RIC8B: variants seen among roughly 807,000 people sequenced by gnomAD.
The protein encoded by RIC8B is RIC8 guanine nucleotide exchange factor B, also known as chaperone Ric-8B.
In RIC8B, 16 loss-of-function variants were observed where a neutral mutation model predicts 57.5. That is an observed-to-expected ratio of 0.28 (90% CI 0.19 to 0.42). RIC8B has a LOEUF of 0.42. RIC8B is among the 10% of genes least tolerant of loss of function. The pLI is 1.00. For synonymous variants in RIC8B, 216 were observed against 250.8 expected, an observed-to-expected ratio of 0.86 and a Z score of 1.31; for missense variants, 481 against 677.0, an observed-to-expected ratio of 0.71 and a Z score of 3.21.
At chr12:106,815,788 GGA>G (rs2045549105) in intron 3 of RIC8B, among the ~76,000 whole-genome samples, 1 of 152,142 alleles carries the variant, frequency 6.6e-6, no homozygotes, top group Non-Finnish European at 1.5e-5. Context: ...CCAGTCTCTG[GGA>G]GGTTTCTCTG....
chr12:106,822,105 GAA>G (rs1162744633), intron 3 of RIC8B, among the ~76,000 whole-genome samples: 1 of 117,832 alleles, frequency 8.5e-6, no homozygotes. Flanking sequence ...AAAAAAAGAA[GAA>G]AAAAAAAGAA....
At chr12:106,832,238 T>C (rs969542792) in intron 4 of RIC8B, among the ~76,000 whole-genome samples, 10 of 152,208 alleles carry the variant, frequency 6.6e-5, no homozygotes, top group Admixed American at 6.5e-4. Context: ...ATGGTACTTA[T>C]CACTAACTGA....
intron 3 of RIC8B, among the ~76,000 whole-genome samples, chr12:106,817,415 C>T (rs1411319068): frequency 5.9e-5 from 9 of 152,028 alleles, no homozygotes; most frequent in Non-Finnish European, 1.0e-4. Flanking sequence ...TTTGAAAAAC[C>T]GGGGGATAAA....
intron 2 of RIC8B, among the ~76,000 whole-genome samples, chr12:106,805,973 G>T (rs1157529633): frequency 6.6e-6 from 1 of 151,946 alleles, no homozygotes; most frequent in Non-Finnish European, 1.5e-5. Context: ...TTTTGAGATG[G>T]AGTTTTGCTC....
intron 2 of RIC8B, among the ~76,000 whole-genome samples, chr12:106,790,743 C>T (rs1392715939): frequency 6.6e-6 from 1 of 152,116 alleles, no homozygotes; most frequent in Admixed American, 6.5e-5. Flanking sequence ...AAAAGATTTC[C>T]AGCTCTTTCA....
rs1403873860 is a variant in RIC8B, at chr12:106,888,544, GC to G, written c.*2531del. On this transcript the variant is annotated 3_prime_UTR_variant, in exon 10 of 10. Transcript: ENST00000392837. ...CACAGCACACCTGGGCCCACACTGT[GC>G]CTCCTTAGGGCTCTGAAATGCTGGG... 1 of 152,716 alleles carries G rather than the reference GC, an allele frequency of 6.5e-6. No homozygotes were observed. The highest frequency in any genetic ancestry group is 1.9e-4 in the East Asian group (1 of 5,204). 9.5% of individuals were successfully genotyped at this position (152,716 alleles called of 1,614,324 possible).
intron 9 of RIC8B, chr12:106,874,530 C>T (rs970972117): frequency 1.4e-5 from 22 of 1,551,148 alleles, no homozygotes; most frequent in Non-Finnish European, 1.8e-5. Context: ...GCAACAGTGG[C>T]CCGTGCCAAA....
intron 9 of RIC8B, among the ~76,000 whole-genome samples, chr12:106,874,872 G>GTGAT (rs1950595942): frequency 6.6e-6 from 1 of 151,966 alleles, no homozygotes; most frequent in Non-Finnish European, 1.5e-5. Context: ...TGTAGATAAG[G>GTGAT]TGATTGGCAG....
At chr12:106,819,201 A>T (rs948935535) in intron 3 of RIC8B, among the ~76,000 whole-genome samples, 4 of 152,198 alleles carry the variant, frequency 2.6e-5, no homozygotes, top group Admixed American at 2.0e-4. Flanking sequence ...GGTTTTCAAC[A>T]TGTGTTTCTT....
At chr12:106,854,532 C>T (rs1349677066) in intron 7 of RIC8B, among the ~76,000 whole-genome samples, 1 of 152,054 alleles carries the variant, frequency 6.6e-6, no homozygotes. Flanking sequence ...GTGGCTCATG[C>T]CTGTAATCCC....
Position 106,822,065 on chromosome 12 carries a change from G to A in RIC8B, c.742-3661G>A, listed in dbSNP as rs550278657. Among the ~76,000 whole-genome samples the A allele has an allele frequency of 6.8e-5, 7 of 103,032 alleles. No individual in the cohort carries two copies. In the East Asian group the frequency reaches 9.1e-4, roughly 13 times the overall value. 67.6% of individuals were successfully genotyped at this position (103,032 alleles called of 152,430 possible). On this transcript the variant is annotated intron_variant, in intron 3 of 9. Coordinates refer to ENST00000392837, the MANE Select transcript of RIC8B (RefSeq NM_001330145.2). ...TGCACTTCAGCCTGGGCGACAGACC[G>A]AGACTCCATCTCAAAAAAAAAAAAA... is the stretch of plus-strand genomic sequence containing the variant.
chr12:106,861,416 A>C (rs1158862995), intron 8 of RIC8B, among the ~76,000 whole-genome samples: 1 of 152,108 alleles, frequency 6.6e-6, no homozygotes, highest in Non-Finnish European at 1.5e-5. Flanking sequence ...GTTCCCAATT[A>C]GACAGGACAT....
At chr12:106,877,160 G>T in intron 9 of RIC8B, among the ~76,000 whole-genome samples, 1 of 152,094 alleles carries the variant, frequency 6.6e-6, no homozygotes, top group South Asian at 2.1e-4. Context: ...TTTATATAGT[G>T]CTTTAAGGTA....
chr12:106,853,908 A>G (rs747382043), intron 7 of RIC8B, among the ~76,000 whole-genome samples: 2 of 152,186 alleles, frequency 1.3e-5, no homozygotes, highest in Non-Finnish European at 2.9e-5. Context: ...GTTTCTGCCC[A>G]TGTATTACTT....
chr12:106,878,909 G>A (rs1290906195), intron 9 of RIC8B: 2 of 898,748 alleles, frequency 2.2e-6, no homozygotes, highest in Admixed American at 6.2e-5. Context: ...CTCAATTAGA[G>A]GGAGGTGAAT....
intron 8 of RIC8B, among the ~76,000 whole-genome samples, chr12:106,869,938 A>G (rs1440735766): frequency 1.3e-5 from 2 of 152,200 alleles, no homozygotes; most frequent in African/African-American, 4.8e-5. Context: ...GACTCCGTCA[A>G]AACAAACAAA....
chr12:106,805,001 G>A (rs1388208894), intron 2 of RIC8B, among the ~76,000 whole-genome samples: 2 of 152,194 alleles, frequency 1.3e-5, no homozygotes, highest in African/African-American at 4.8e-5. Flanking sequence ...GCATTAGAGA[G>A]TAGATTATTG....
At chr12:106,854,462 G>A (rs1949629294) in intron 7 of RIC8B, among the ~76,000 whole-genome samples, 2 of 152,146 alleles carry the variant, frequency 1.3e-5, no homozygotes, top group Non-Finnish European at 2.9e-5. Context: ...CAGACAGTAA[G>A]CAGCAGTTAT....
intron 8 of RIC8B, among the ~76,000 whole-genome samples, chr12:106,863,808 A>G (rs890801171): frequency 6.6e-6 from 1 of 152,110 alleles, no homozygotes; most frequent in Non-Finnish European, 1.5e-5. Context: ...TGGATTCACA[A>G]TCGTCAGTTT....
Sources: gnomAD v4.1 joint callset for allele counts (sites outside exome capture counted in the v4.1 genomes callset) on GRCh38, gnomAD v4.1.1 for gene constraint, MANE v1.5 for transcripts, NCBI Gene and HGNC (gene_info 2026-07-23, HGNC 2026-07-21) for gene names.